Variants in SVEP1 observed in about 807,000 individuals in gnomAD.
SVEP1 encodes sushi, von Willebrand factor type A, EGF and pentraxin domain containing 1, also known as sushi, von Willebrand factor type A, EGF and pentraxin domain-containing protein 1.
Under a neutral mutation model 367.3 loss-of-function variants are expected in SVEP1, and 164 were observed. That is an observed-to-expected ratio of 0.45 (90% CI 0.39 to 0.51). The LOEUF (loss-of-function observed/expected upper bound fraction) is 0.51. Ranked by LOEUF, SVEP1 falls within the 20% of genes least tolerant of loss-of-function variation. SVEP1 has a pLI of 0.00. For synonymous variants in SVEP1, 1,666 were observed against 1,611.6 expected, an observed-to-expected ratio of 1.03 and a Z score of -0.81; for missense variants, 4,117 against 4,425.3, an observed-to-expected ratio of 0.93 and a Z score of 1.98.
At chr9:110,512,753 G>A in intron 5 of SVEP1, 173 bp downstream of exon 5, 1 of 768,718 alleles carries the variant, frequency 1.3e-6, no homozygotes, top group African/African-American at 1.7e-5. Context: ...ACAATTATGT[G>A]GTCAATTGAA....
intron 18 of SVEP1, among the ~76,000 whole-genome samples, chr9:110,463,388 C>G (rs545173662): frequency 1.3e-5 from 2 of 151,914 alleles, no homozygotes; most frequent in South Asian, 4.1e-4. Flanking sequence ...CTTTAACAAA[C>G]TAATATACTT....
intron 40 of SVEP1, among the ~76,000 whole-genome samples, chr9:110,399,828 C>T (rs1413447162): frequency 1.3e-5 from 2 of 152,084 alleles, no homozygotes; most frequent in East Asian, 3.9e-4. Context: ...GTCACGACAC[C>T]CAGCCAAAAC....
chr9:110,373,723 C>T (rs769334436), intron 46 of SVEP1, among the ~76,000 whole-genome samples: 7 of 151,746 alleles, frequency 4.6e-5, no homozygotes, highest in African/African-American at 9.7e-5. Context: ...TACTATATTT[C>T]GGCACTATGC....
At chr9:110,459,395 C>T (rs1311687962) in intron 18 of SVEP1, among the ~76,000 whole-genome samples, 2 of 152,212 alleles carry the variant, frequency 1.3e-5, no homozygotes, top group South Asian at 2.1e-4. Flanking sequence ...CCAAATCATT[C>T]CCCCAGATTA....
intron 29 of SVEP1, among the ~76,000 whole-genome samples, 159 bp from the exon 30 acceptor site, chr9:110,434,665 C>CAAAAAAAAAAAAAAAAAAAAAAAA (rs1828404499): frequency 2.1e-4 from 1 of 4,720 alleles, no homozygotes; most frequent in Non-Finnish European, 4.1e-4. Context: ...AGCAAAATCA[C>CAAAAAAAAAAAAAAAAAAAAAAAA]TAAAAAAAAA....
Position 110,406,114 on chromosome 9 carries a change from A to G in SVEP1, c.9440+46T>C, listed in dbSNP as rs1827950011. 2.7e-6 allele frequency: 4 copies of G among 1,506,346 alleles called. No individual in the cohort carries two copies. The South Asian group carries it at 5.6e-5, about 21-fold the overall frequency. 93.3% of individuals were successfully genotyped at this position (1,506,346 alleles called of 1,614,324 possible). A position where few individuals can be genotyped will look rare whatever the true frequency, so the allele number is the denominator to read the frequency against. ...TTTTTGATCGATCACATTTCATTTCATAATCCTGCCCGCACCCCTTGGAGA... is the reference window on the plus strand; with the variant it reads ...TTTTTGATCGATCACATTTCATTTCGTAATCCTGCCCGCACCCCTTGGAGA... On this transcript the variant is annotated intron_variant, in intron 38 of 47. Transcript: ENST00000374469.
chr9:110,473,636 T>C (rs1829055450), intron 14 of SVEP1, among the ~76,000 whole-genome samples: 1 of 152,254 alleles, frequency 6.6e-6, no homozygotes. Flanking sequence ...TTTAGACTTT[T>C]AGGTTATTTC....
At chr9:110,559,623 G>A (rs982277826) in intron 1 of SVEP1, among the ~76,000 whole-genome samples, 1 of 151,870 alleles carries the variant, frequency 6.6e-6, no homozygotes, top group African/African-American at 2.4e-5. Context: ...ACCTGTCCTG[G>A]TAATATTTGG....
At chr9:110,499,552 T>C (rs551465606) in intron 6 of SVEP1, among the ~76,000 whole-genome samples, 112 of 152,362 alleles carry the variant, frequency 7.4e-4, no homozygotes, top group African/African-American at 2.5e-3. Flanking sequence ...TATTATTTTA[T>C]GGCTTAGAAG....
intron 39 of SVEP1, among the ~76,000 whole-genome samples, chr9:110,402,985 C>T (rs977198789): frequency 3.4e-4 from 51 of 152,016 alleles, no homozygotes; most frequent in Non-Finnish European, 2.2e-4. Flanking sequence ...AATTTTATAT[C>T]ACATTAGGTA....
In SVEP1 at chr9:110,548,970, T is replaced by A. The variant is rs1019422197; in HGVS notation, c.787+879A>T. The stretch of plus-strand genomic sequence containing the variant: ...AGACACCATCTTTATTTATTTATTT[T>A]TTTTAAAAAGAAACTCCAGTAGAGC... On this transcript the variant is annotated intron_variant, in intron 2 of 47. Coordinates refer to ENST00000374469, the MANE Select transcript of SVEP1 (RefSeq NM_153366.4). 1.3e-4 allele frequency among the ~76,000 whole-genome samples: 20 copies of A among 152,294 alleles called. No individual in the cohort carries two copies. In the East Asian group the frequency reaches 3.3e-3, roughly 25 times the overall value.
At chr9:110,515,242 T>G (rs1208140015) in intron 3 of SVEP1, among the ~76,000 whole-genome samples, 1 of 152,104 alleles carries the variant, frequency 6.6e-6, no homozygotes, top group Non-Finnish European at 1.5e-5. Flanking sequence ...AGTCCCAGGT[T>G]GCATTTCATT....
intron 45 of SVEP1, among the ~76,000 whole-genome samples, chr9:110,375,679 C>T (rs1827341656): frequency 6.6e-6 from 1 of 152,180 alleles, no homozygotes; most frequent in Non-Finnish European, 1.5e-5. Flanking sequence ...TTCTTAGCCA[C>T]ATGTAATGAC....
intron 3 of SVEP1, among the ~76,000 whole-genome samples, chr9:110,523,594 A>G (rs1829904964): frequency 6.6e-6 from 1 of 152,210 alleles, no homozygotes; most frequent in African/African-American, 2.4e-5. Context: ...CAGGCTGTCT[A>G]CAAGAAATCA....
At chr9:110,572,816 A>AAAAAAT in intron 1 of SVEP1, among the ~76,000 whole-genome samples, 1 of 138,264 alleles carries the variant, frequency 7.2e-6, no homozygotes, top group East Asian at 2.3e-4. Context: ...AAAAAAAAAA[A>AAAAAAT]TGAGTACTAC....
chr9:110,443,609 T>C lies in SVEP1; in HGVS notation c.4575A>G (p.Lys1525=). The change falls in exon 27 of 48, where the codon AAA becomes AAG. Residue 1525 remains lysine, a synonymous_variant. Transcript: ENST00000374469. ...ITWTSANGIW[K]VYIDGKLSDG... ...CAGATAATTTCCCATCGATATAGAC[T>C]TTCCAGATGCCATTGGCACTTGTCC... The C allele has an allele frequency of 1.2e-6, 2 of 1,613,404 alleles. No homozygotes were observed. Among genetic ancestry groups the C allele is most frequent in the Non-Finnish European group, 1.7e-6 (2 of 1,179,688 alleles).
chr9:110,512,354 A>G (rs1829731514), intron 5 of SVEP1, among the ~76,000 whole-genome samples: 1 of 151,862 alleles, frequency 6.6e-6, no homozygotes, highest in Admixed American at 6.6e-5. Context: ...GTTGAGGCAG[A>G]TTGAGGCACT....
intron 32 of SVEP1, 132 bp downstream of exon 32, chr9:110,431,783 T>A (rs1828352715): frequency 3.3e-6 from 4 of 1,223,062 alleles, no homozygotes; most frequent in Non-Finnish European, 4.6e-6. Context: ...GTAAGAACTT[T>A]ATCTTATCTG....
chr9:110,575,346 G>A (rs1016842582), intron 1 of SVEP1, among the ~76,000 whole-genome samples: 2 of 152,228 alleles, frequency 1.3e-5, no homozygotes, highest in East Asian at 1.9e-4. Flanking sequence ...CAGAGGCCCC[G>A]GGCAAGTCTG....
Sources: gnomAD v4.1 joint callset for allele counts (sites outside exome capture counted in the v4.1 genomes callset) on GRCh38, gnomAD v4.1.1 for gene constraint, MANE v1.5 for transcripts, NCBI Gene and HGNC (gene_info 2026-07-23, HGNC 2026-07-21) for gene names.